The following ACADSB variants were observed in gnomAD, a reference collection of about 807,000 sequenced individuals.
ACADSB encodes the protein short/branched chain specific acyl-CoA dehydrogenase, mitochondrial.
ACADSB carries 40 observed loss-of-function variants against 54.1 expected under a neutral mutation model. The ratio of observed to expected loss-of-function variants is 0.74; its 90% CI spans 0.57 to 0.96. ACADSB has a LOEUF of 0.96. Among genes scored for constraint, ACADSB ranks in the 40% least tolerant of loss-of-function variants. The pLI is 0.00. For synonymous variants in ACADSB, 182 were observed against 182.8 expected (o/e 1.00, Z 0.03); for missense variants, 530 against 510.4 (o/e 1.04, Z -0.37).
At chr10:123,016,383 T>G (rs1303880472) in intron 1 of ACADSB, among the ~76,000 whole-genome samples, 2 of 151,426 alleles carry the variant, frequency 1.3e-5, no homozygotes, top group African/African-American at 4.9e-5. Flanking sequence ...GTTACAGATT[T>G]GCAATTGTCT....
intron 1 of ACADSB, among the ~76,000 whole-genome samples, chr10:123,015,919 T>A (rs6599643): frequency 6.6e-6 from 1 of 152,106 alleles, no homozygotes; most frequent in South Asian, 2.1e-4. Flanking sequence ...ATAGCACCGA[T>A]GATCAGAAAG....
intron 1 of ACADSB, among the ~76,000 whole-genome samples, chr10:123,012,142 A>T (rs957085484): frequency 6.6e-6 from 1 of 152,194 alleles, no homozygotes; most frequent in African/African-American, 2.4e-5. Context: ...GAGCCATTGC[A>T]CCCAGCCAAG....
intron 1 of ACADSB, among the ~76,000 whole-genome samples, chr10:123,023,161 G>C (rs1210114118): frequency 6.6e-6 from 1 of 152,102 alleles, no homozygotes; most frequent in Non-Finnish European, 1.5e-5. Context: ...AAACAAAAAG[G>C]CATGCAAACG....
At chr10:123,038,022 T>C (rs530545598) in intron 3 of ACADSB, among the ~76,000 whole-genome samples, 175 bp downstream of exon 3, 1 of 152,258 alleles carries the variant, frequency 6.6e-6, no homozygotes, top group Non-Finnish European at 1.5e-5. Context: ...TAACATTTTT[T>C]AATTTGAAAT....
intron 1 of ACADSB, 57 bp from the exon 2 acceptor site, chr10:123,034,299 T>C (rs564290005): frequency 3.6e-5 from 56 of 1,564,558 alleles, no homozygotes; most frequent in Non-Finnish European, 4.6e-5. Flanking sequence ...TATAAAGTCA[T>C]TCCCAAAGAA....
intron 1 of ACADSB, among the ~76,000 whole-genome samples, chr10:123,033,427 T>C (rs914635572): frequency 2.0e-5 from 3 of 152,184 alleles, no homozygotes; most frequent in Non-Finnish European, 2.9e-5. Context: ...AGAAAACATA[T>C]TTCAGTATTT....
chr10:123,042,457 C>CTTTTTTTTT (rs60480402), intron 5 of ACADSB, among the ~76,000 whole-genome samples: 1 of 115,794 alleles, frequency 8.6e-6, no homozygotes, highest in African/African-American at 3.3e-5. Context: ...ATTGTTAAAA[C>CTTTTTTTTT]TTTTTTTTTT....
In ACADSB at chr10:123,051,188, T is replaced by TAAAAAAA. The variant is rs10571424; in HGVS notation, c.1128+20_1128+26dup. 33 of 1,018,010 alleles carry TAAAAAAA rather than the reference T, an allele frequency of 3.2e-5. No individual in the cohort carries two copies. The East Asian group carries it at 3.5e-4, about 11-fold the overall frequency. The allele number at this position is 1,018,010 out of a possible 1,614,324, so 63.1% of individuals were successfully genotyped here. On this transcript the variant is annotated splice_region_variant and intron_variant, in intron 9 of 10. Coordinates refer to ENST00000358776, the MANE Select transcript of ACADSB (RefSeq NM_001609.4). ...ATGGCCAAATACTATGCATCAGAGG[T>TAAAAAAA]AAAAAAAAAAAAAAAAAAAAAAAAG...
At chr10:123,025,834 G>A (rs1305496464) in intron 1 of ACADSB, among the ~76,000 whole-genome samples, 1 of 152,206 alleles carries the variant, frequency 6.6e-6, no homozygotes, top group Non-Finnish European at 1.5e-5. Flanking sequence ...GCAGAGGCGG[G>A]CAGATCACCT....
At chr10:123,027,221 T>C (rs1850266478) in intron 1 of ACADSB, among the ~76,000 whole-genome samples, 1 of 152,134 alleles carries the variant, frequency 6.6e-6, no homozygotes. Context: ...TTTTTAGCAG[T>C]AAGGATGCCC....
chr10:123,042,491 G>A (rs762023014), intron 5 of ACADSB, among the ~76,000 whole-genome samples: 5 of 110,578 alleles, frequency 4.5e-5, no homozygotes, highest in South Asian at 5.4e-4. Flanking sequence ...ACGGAGTTTC[G>A]CTCTAGTTGC....
chr10:123,015,716 G>A (rs1409162960), intron 1 of ACADSB, among the ~76,000 whole-genome samples: 2 of 152,336 alleles, frequency 1.3e-5, no homozygotes, highest in South Asian at 2.1e-4. Context: ...TTGATCTACA[G>A]TTTCAAAGAT....
chr10:123,033,408 A>C (rs1410489754), intron 1 of ACADSB, among the ~76,000 whole-genome samples: 3 of 141,742 alleles, frequency 2.1e-5, no homozygotes, highest in Non-Finnish European at 4.9e-5. Flanking sequence ...CGTGTAATCA[A>C]AACTACTCAG....
chr10:123,018,140 T>TG (rs1362698734), intron 1 of ACADSB, among the ~76,000 whole-genome samples: 3 of 152,280 alleles, frequency 2.0e-5, no homozygotes, highest in Admixed American at 6.5e-5. Flanking sequence ...TCAGCTGGTT[T>TG]GGGGGGCCTT....
At chr10:123,011,540 T>C (rs2133451338) in intron 1 of ACADSB, among the ~76,000 whole-genome samples, 1 of 151,858 alleles carries the variant, frequency 6.6e-6, no homozygotes, top group East Asian at 1.9e-4. Context: ...TTTTTTTTTT[T>C]TTTTGAGACG....
rs1291366085 is a variant in ACADSB, at chr10:123,037,856, C to A, written c.303+9C>A. 2.6e-6 allele frequency: 4 copies of A among 1,522,908 alleles called. No homozygotes were observed. In the Admixed American group the frequency reaches 6.7e-5, roughly 25 times the overall value. 94.3% of individuals were successfully genotyped at this position (1,522,908 alleles called of 1,614,324 possible). On this transcript the variant is annotated intron_variant, in intron 3 of 10. Coordinates refer to ENST00000358776, the MANE Select transcript of ACADSB (RefSeq NM_001609.4). ...GATTATTTCAACAAGGGGTACATTTCATAATTCTTCCACTTTCAAGCTTCT... is the reference window on the plus strand; with the variant it reads ...GATTATTTCAACAAGGGGTACATTTAATAATTCTTCCACTTTCAAGCTTCT...
intron 7 of ACADSB, among the ~76,000 whole-genome samples, chr10:123,045,131 G>GTATATATATATATATA (rs759224009): frequency 2.2e-4 from 6 of 26,892 alleles, no homozygotes; most frequent in Non-Finnish European, 3.3e-4. Context: ...TTTGTAGAGT[G>GTATATATATATATATA]TATATATATA....
chr10:123,053,200 T>C (rs745518183), intron 10 of ACADSB, 40 bp downstream of exon 10: 3 of 1,515,032 alleles, frequency 2.0e-6, no homozygotes, highest in Non-Finnish European at 2.7e-6. Context: ...TTTTGTTTTA[T>C]TTGCCTCTGT....
chr10:123,011,191 A>G (rs540663495), intron 1 of ACADSB, among the ~76,000 whole-genome samples: 1 of 152,188 alleles, frequency 6.6e-6, no homozygotes, highest in African/African-American at 2.4e-5. Context: ...CCAGAGGCAA[A>G]TGGAAAGCTA....
Sources: allele counts gnomAD v4.1 joint callset (sites outside exome capture counted in the v4.1 genomes callset), GRCh38; gene constraint gnomAD v4.1.1; transcripts MANE v1.5; gene names NCBI Gene and HGNC (gene_info 2026-07-23, HGNC 2026-07-21).